The following DGKB variants were observed in gnomAD, a reference collection of about 807,000 sequenced individuals.
DGKB encodes the protein 90 kDa diacylglycerol kinase.
In DGKB, 67 loss-of-function variants were observed where a neutral mutation model predicts 114.3. The ratio of observed to expected loss-of-function variants is 0.59; its 90% CI spans 0.48 to 0.72. DGKB has a LOEUF of 0.72. Ranked by LOEUF, DGKB falls within the 30% of genes least tolerant of loss-of-function variation. The pLI is 0.00. For missense variants in DGKB, 907 were observed against 975.2 expected (o/e 0.93, Z 0.93); for synonymous variants, 398 against 323.1 (o/e 1.23, Z -2.49).
At chr7:14,640,967 T>A (rs1019821010) in intron 13 of DGKB, among the ~76,000 whole-genome samples, 8 of 152,186 alleles carry the variant, frequency 5.3e-5, no homozygotes, top group Non-Finnish European at 1.2e-4. Flanking sequence ...GTCTCTACTC[T>A]AATGCTATTA....
At chr7:14,783,573 T>C (rs911395670) in intron 2 of DGKB, among the ~76,000 whole-genome samples, 1 of 152,248 alleles carries the variant, frequency 6.6e-6, no homozygotes, top group African/African-American at 2.4e-5. Context: ...GGAGTGGTTA[T>C]GTATGGTCAT....
rs149565020 is a variant in DGKB at position 14,719,034 on chromosome 7, T to C, written c.323-349A>G. On this transcript the variant is annotated intron_variant, in intron 5 of 25. Transcript: ENST00000402815. ...TTTAGGTAGTGACAGCTATAAATCA[T>C]TTGGGAAGATATTTAAAATGGACTT... is the stretch of plus-strand genomic sequence containing the variant. Among the ~76,000 whole-genome samples, 63 of 152,236 alleles carry C rather than the reference T, an allele frequency of 4.1e-4. 1 individual carries two copies. The East Asian group carries it at 0.012, about 29-fold the overall frequency.
chr7:14,591,180 A>T (rs1217802158), intron 17 of DGKB, among the ~76,000 whole-genome samples: 3 of 152,118 alleles, frequency 2.0e-5, no homozygotes, highest in African/African-American at 7.2e-5. Context: ...ATTACAGGTC[A>T]TCCTTCCAAT....
intron 23 of DGKB, among the ~76,000 whole-genome samples, chr7:14,308,076 T>G (rs1804776068): frequency 6.6e-6 from 1 of 152,120 alleles, no homozygotes; most frequent in South Asian, 2.1e-4. Flanking sequence ...AATTATATTA[T>G]CCTGTTTTAG....
intron 23 of DGKB, among the ~76,000 whole-genome samples, chr7:14,316,419 CA>C (rs1323168448): frequency 8.1e-6 from 1 of 122,874 alleles, no homozygotes; most frequent in Admixed American, 8.5e-5. Flanking sequence ...AGAGAAGAAT[CA>C]AATAGACGCA....
At chr7:14,183,990 G>C (rs1483662159) in intron 23 of DGKB, among the ~76,000 whole-genome samples, 1 of 152,212 alleles carries the variant, frequency 6.6e-6, no homozygotes, top group Admixed American at 6.5e-5. Flanking sequence ...GTGGAAAAGG[G>C]AGACCCTCCT....
chr7:14,674,270 A>T (rs1439789517), intron 12 of DGKB, among the ~76,000 whole-genome samples: 1 of 152,154 alleles, frequency 6.6e-6, no homozygotes, highest in African/African-American at 2.4e-5. Context: ...TCTATAAAAA[A>T]GTGATTTAAT....
chr7:14,681,910 C>T (rs1485257776), intron 12 of DGKB, among the ~76,000 whole-genome samples: 2 of 151,972 alleles, frequency 1.3e-5, no homozygotes, highest in African/African-American at 2.4e-5. Context: ...CTCTCTTATA[C>T]CCCAATGCAT....
intron 1 of DGKB, among the ~76,000 whole-genome samples, chr7:14,868,034 G>A (rs980543950): frequency 6.6e-6 from 1 of 152,140 alleles, no homozygotes; most frequent in African/African-American, 2.4e-5. Context: ...TCAGACCGGC[G>A]TGGATTGAAT....
chr7:14,445,232 C>A (rs996352791), intron 21 of DGKB, among the ~76,000 whole-genome samples: 10 of 151,828 alleles, frequency 6.6e-5, no homozygotes, highest in African/African-American at 2.4e-4. Context: ...TCTAGGATGA[C>A]AAACCCTGAA....
intron 1 of DGKB, among the ~76,000 whole-genome samples, chr7:14,893,492 T>C (rs987976830): frequency 1.3e-5 from 2 of 151,366 alleles, no homozygotes; most frequent in Non-Finnish European, 3.0e-5. Flanking sequence ...GTTCCTAAAA[T>C]TACCTCCTTT....
At chr7:14,228,906 G>T (rs1562677339) in intron 23 of DGKB, among the ~76,000 whole-genome samples, 1 of 151,476 alleles carries the variant, frequency 6.6e-6, no homozygotes, top group Non-Finnish European at 1.5e-5. Flanking sequence ...GTGTGTGTGT[G>T]TTCAAAAATA....
chr7:14,630,297 G>C (rs1353952193), intron 13 of DGKB, 29 bp from the exon 14 acceptor site: 2 of 1,535,314 alleles, frequency 1.3e-6, no homozygotes, highest in African/African-American at 2.8e-5. Context: ...TCATATGAAA[G>C]CTGAAAAAGA....
At chr7:14,357,169 C>A (rs1356141026) in intron 21 of DGKB, among the ~76,000 whole-genome samples, 1 of 152,096 alleles carries the variant, frequency 6.6e-6, no homozygotes, top group Non-Finnish European at 1.5e-5. Context: ...TTCTGTCTCA[C>A]TGATCTGTCT....
At chr7:14,809,293 C>T (rs1843133349) in intron 2 of DGKB, among the ~76,000 whole-genome samples, 1 of 152,028 alleles carries the variant, frequency 6.6e-6, no homozygotes, top group African/African-American at 2.4e-5. Flanking sequence ...CACTTGGACT[C>T]CTGCTATAGT....
At chr7:14,720,749 G>A (rs767032653) in intron 5 of DGKB, among the ~76,000 whole-genome samples, 2 of 151,480 alleles carry the variant, frequency 1.3e-5, no homozygotes, top group Admixed American at 6.6e-5. Context: ...TATTGTAAAC[G>A]GAATTTCCTT....
intron 4 of DGKB, among the ~76,000 whole-genome samples, chr7:14,737,958 T>C (rs1002585892): frequency 6.6e-6 from 1 of 151,348 alleles, no homozygotes; most frequent in Non-Finnish European, 1.5e-5. Context: ...CTAAAAACTC[T>C]GAGTAATATA....
intron 13 of DGKB, among the ~76,000 whole-genome samples, chr7:14,668,046 T>C (rs1818341880): frequency 6.6e-6 from 1 of 152,052 alleles, no homozygotes; most frequent in South Asian, 2.1e-4. Flanking sequence ...TTTACTGTAA[T>C]AGAGTGTTTG....
intron 5 of DGKB, among the ~76,000 whole-genome samples, chr7:14,729,960 G>T (rs1043028120): frequency 6.6e-6 from 1 of 152,046 alleles, no homozygotes; most frequent in African/African-American, 2.4e-5. Flanking sequence ...TTTAAAGGGG[G>T]CTAGGAAAAT....
Sources: allele counts gnomAD v4.1 joint callset (sites outside exome capture counted in the v4.1 genomes callset), GRCh38; gene constraint gnomAD v4.1.1; transcripts MANE v1.5; gene names NCBI Gene and HGNC (gene_info 2026-07-23, HGNC 2026-07-21).